Variants in TECR observed in about 807,000 individuals in gnomAD.
The protein encoded by TECR is very-long-chain enoyl-CoA reductase.
Under a neutral mutation model 50.6 loss-of-function variants are expected in TECR, and 19 were observed. That is an observed-to-expected ratio of 0.38 (90% CI 0.26 to 0.55). The LOEUF is 0.55. TECR is among the 20% of genes least tolerant of loss of function. The pLI is 0.79. For missense variants in TECR, 313 were observed against 408.3 expected (o/e 0.77, Z 2.01); for synonymous variants, 168 against 163.5 (o/e 1.03, Z -0.21).
chr19:14,553,928 C>T (rs2073627580), intron 1 of TECR, among the ~76,000 whole-genome samples: 1 of 152,128 alleles, frequency 6.6e-6, no homozygotes, highest in Non-Finnish European at 1.5e-5. Flanking sequence ...CCAGGGCTCG[C>T]ACCCCCAGCC....
At chr19:14,561,976 A>G in intron 1 of TECR, 1 of 231,692 alleles carries the variant, frequency 4.3e-6, no homozygotes, top group Non-Finnish European at 8.6e-6. Flanking sequence ...GGCTCTGTGC[A>G]GGGCGGGGGC....
intron 1 of TECR, chr19:14,561,921 T>C (rs4926131): frequency 0.2 from 36,315 of 178,586 alleles, 5,353 homozygotes; most frequent in African/African-American, 0.44. Context: ...AGCTGCGGGC[T>C]GGGGCCTGCA....
rs566137567 is a variant in TECR at position 14,546,362 on chromosome 19, G to A, written c.16-16163G>A. ...AGCACTTTGGAAGGCTGAGGTGGGC[G>A]GATCACTTGAGGTCAGGAGTTCAAG... is the stretch of plus-strand genomic sequence containing the variant. On this transcript the variant is annotated intron_variant, in intron 1 of 12. Transcript: ENST00000215567. Among the ~76,000 whole-genome samples, 7 of 152,064 alleles carry A rather than the reference G, an allele frequency of 4.6e-5. No homozygotes were observed. In the East Asian group the frequency reaches 9.7e-4, roughly 21 times the overall value.
chr19:14,564,395 A>G (rs112667995), intron 7 of TECR, 108 bp downstream of exon 7: 364,063 of 881,148 alleles, frequency 0.41, 75,483 homozygotes, highest in Non-Finnish European at 0.44. Flanking sequence ...ACTACGCCCC[A>G]GCAGAGCCCT....
Position 14,565,882 on chromosome 19 carries a change from C to T in TECR, c.*11C>T. On this transcript the variant is annotated 3_prime_UTR_variant, in exon 13 of 13. Coordinates refer to ENST00000215567, the MANE Select transcript of TECR (RefSeq NM_138501.6). ...CCCTTCCTGCTCTGAGCGCTCACCC[C>T]TGCTGAGGCTCAGCCCCTCAACCCG... The T allele has an allele frequency of 6.3e-7, 1 of 1,577,010 alleles. No individual in the cohort carries two copies. The highest frequency in any genetic ancestry group is 1.1e-5 in the South Asian group (1 of 87,554).
At chr19:14,539,475 C>T (rs1161343665) in intron 1 of TECR, among the ~76,000 whole-genome samples, 1 of 152,118 alleles carries the variant, frequency 6.6e-6, no homozygotes, top group East Asian at 1.9e-4. Context: ...TAGGAGCACA[C>T]TGCTTCTGTT....
chr19:14,540,976 A>T (rs12975703), intron 1 of TECR, among the ~76,000 whole-genome samples: 2 of 151,938 alleles, frequency 1.3e-5, no homozygotes, highest in Middle Eastern at 3.4e-3. Context: ...CTGGGACTAC[A>T]GGCCACACGC....
At chr19:14,532,954 A>C (rs1007024694) in intron 1 of TECR, among the ~76,000 whole-genome samples, 5 of 151,706 alleles carry the variant, frequency 3.3e-5, no homozygotes, top group South Asian at 2.1e-4. Context: ...TACTAAAAAC[A>C]AAAAAATTAG....
intron 1 of TECR, among the ~76,000 whole-genome samples, chr19:14,549,327 C>T (rs2073412733): frequency 6.6e-6 from 1 of 151,562 alleles, no homozygotes; most frequent in African/African-American, 2.4e-5. Flanking sequence ...GTTCTCCTGC[C>T]TCAGCCTCCC....
intron 1 of TECR, chr19:14,534,039 C>A (rs962829475): frequency 2.6e-5 from 4 of 152,164 alleles, no homozygotes; most frequent in Non-Finnish European, 5.9e-5. Context: ...CAGCCTCCAG[C>A]AGTCCAGGTC....
chr19:14,559,075 C>T (rs888303568), intron 1 of TECR, among the ~76,000 whole-genome samples: 5 of 152,176 alleles, frequency 3.3e-5, no homozygotes, highest in Non-Finnish European at 5.9e-5. Context: ...TAGGCCCTCC[C>T]TCTGAGGGGT....
At chr19:14,564,753 C>T (rs749899242) in intron 7 of TECR, 33 bp from the exon 8 acceptor site, 27 of 1,600,990 alleles carry the variant, frequency 1.7e-5, no homozygotes, top group Non-Finnish European at 2.3e-5. Context: ...CCGGTGCTGG[C>T]CCAAGTCCCA....
rs772597119 is a variant in TECR at position 14,529,644 on chromosome 19, C to T, written c.-53C>T. On this transcript the variant is annotated 5_prime_UTR_variant, in exon 1 of 13. Coordinates refer to ENST00000215567, the MANE Select transcript of TECR (RefSeq NM_138501.6). ...GCGCTGTAGGGAGCCTGTGCTGTGCCGCGCAGTTAGGCAGCAGCAGCCGCG... is the reference window on the plus strand; with the variant it reads ...GCGCTGTAGGGAGCCTGTGCTGTGCTGCGCAGTTAGGCAGCAGCAGCCGCG... 10 of 1,613,554 alleles carry T rather than the reference C, an allele frequency of 6.2e-6. No homozygotes were observed. The South Asian group carries it at 6.6e-5, about 11-fold the overall frequency.
intron 1 of TECR, among the ~76,000 whole-genome samples, chr19:14,560,662 G>T (rs941781266): frequency 2.0e-5 from 3 of 152,208 alleles, no homozygotes; most frequent in African/African-American, 7.2e-5. Flanking sequence ...ACAAGGCCAG[G>T]CAGTGCCTGG....
At chr19:14,565,441 T>C (rs987864371) in intron 11 of TECR, 151 bp downstream of exon 11, 61 of 1,337,818 alleles carry the variant, frequency 4.6e-5, no homozygotes, top group Non-Finnish European at 5.8e-5. Context: ...TCTGCTGTGG[T>C]GGCGGGGAGG....
chr19:14,557,289 C>G (rs2073764260), intron 1 of TECR, among the ~76,000 whole-genome samples: 1 of 151,516 alleles, frequency 6.6e-6, no homozygotes, highest in African/African-American at 2.4e-5. Context: ...TACAGGCACA[C>G]ACCACCATGC....
rs2073124658 is a variant in TECR at position 14,542,347 on chromosome 19, G to GGTTTTTTTT, written c.15+12636_15+12637insGTTTTTTTT. On this transcript the variant is annotated intron_variant, in intron 1 of 12. Transcript: ENST00000215567. The stretch of plus-strand genomic sequence containing the variant: ...CCTCAGGGGGCCCTCATGCCATAGT[G>GGTTTTTTTT]TTTTTTTTTTTTTTTTTTTTTTTTT... Among the ~76,000 whole-genome samples the GGTTTTTTTT allele has an allele frequency of 8.3e-3, 360 of 43,318 alleles. 5 individuals are homozygous for GGTTTTTTTT. Among genetic ancestry groups the GGTTTTTTTT allele is most frequent in the African/African-American group, 0.026 (321 of 12,342 alleles). The allele number at this position is 43,318 out of a possible 152,430, so 28.4% of individuals were successfully genotyped here. A position where few individuals can be genotyped will look rare whatever the true frequency, so the allele number is the denominator to read the frequency against.
At chr19:14,565,569 T>TA (rs1309283391) in intron 11 of TECR, 49 bp from the exon 12 acceptor site, 7 of 1,585,620 alleles carry the variant, frequency 4.4e-6, no homozygotes, top group East Asian at 2.3e-5. Context: ...GACAGCCACA[T>TA]ACACGGGTTG....
intron 1 of TECR, among the ~76,000 whole-genome samples, chr19:14,555,034 C>T (rs2073669521): frequency 6.6e-6 from 1 of 151,700 alleles, no homozygotes; most frequent in Non-Finnish European, 1.5e-5. Context: ...ACGTCCGCCT[C>T]CCAGAGTGCT....
Sources: allele counts gnomAD v4.1 joint callset (sites outside exome capture counted in the v4.1 genomes callset), GRCh38; gene constraint gnomAD v4.1.1; transcripts MANE v1.5; gene names NCBI Gene and HGNC (gene_info 2026-07-23, HGNC 2026-07-21).